The following CROCC2 variants were observed in gnomAD, a reference collection of about 807,000 sequenced individuals.
CROCC2 encodes the protein ciliary rootlet coiled-coil protein 2.
In CROCC2, 163 loss-of-function variants were observed where a neutral mutation model predicts 177.6. The observed-to-expected ratio is 0.92, with a 90% CI of 0.81 to 1.05. The LOEUF (loss-of-function observed/expected upper bound fraction) is 1.05, where lower values mean the gene tolerates loss of function less well. CROCC2 is among the 50% of genes least tolerant of loss of function. CROCC2 has a pLI of 0.00. For synonymous variants in CROCC2, 904 were observed against 787.3 expected, an observed-to-expected ratio of 1.15 and a Z score of -2.48; for missense variants, 1,929 against 1,797.8, an observed-to-expected ratio of 1.07 and a Z score of -1.32.
rs2059339053 is a variant in CROCC2 at position 240,918,999 on chromosome 2, CAA to C, written c.229+124_229+125del. 2 of 622,902 alleles carry C rather than the reference CAA, an allele frequency of 3.2e-6. No individual in the cohort carries two copies. The highest frequency in any genetic ancestry group is 4.0e-5 in the African/African-American group (2 of 50,154). The allele number at this position is 622,902 out of a possible 1,614,324, so 38.6% of individuals were successfully genotyped here. A position where few individuals can be genotyped will look rare whatever the true frequency, so the allele number is the denominator to read the frequency against. On this transcript the variant is annotated intron_variant, in intron 2 of 31. Coordinates refer to ENST00000690015, the MANE Select transcript of CROCC2 (RefSeq NM_001351305.2). This position sits in a 1 kb window ranked among gnomAD's most constrained non-coding sequence, Gnocchi z 6.3. The stretch of plus-strand genomic sequence containing the variant: ...GGACAGTCCTGGGCTCGCGGCTGGC[CAA>C]GGTGATGGCGTGGGGGACAGTCCTG...
intron 14 of CROCC2, among the ~76,000 whole-genome samples, chr2:240,940,218 C>T (rs779696291): frequency 1.3e-5 from 2 of 152,080 alleles, no homozygotes; most frequent in Middle Eastern, 3.2e-3. Flanking sequence ...TTAGTTTCTT[C>T]CACAGCCAAT....
chr2:240,909,220 G>C (rs1417055874), intron 1 of CROCC2, among the ~76,000 whole-genome samples: 14 of 131,562 alleles, frequency 1.1e-4, no homozygotes, highest in African/African-American at 3.6e-4. Context: ...CTCCACCTGG[G>C]GTGAGCTCTA....
chr2:240,930,702 T>C (rs2059423337), intron 6 of CROCC2, among the ~76,000 whole-genome samples: 1 of 151,980 alleles, frequency 6.6e-6, no homozygotes, highest in African/African-American at 2.4e-5. Context: ...GGTCGATGAC[T>C]CGGTGAAGGC....
chr2:240,934,169 G>A (rs907043615), intron 11 of CROCC2, among the ~76,000 whole-genome samples, 162 bp from the exon 12 acceptor site: 6 of 152,090 alleles, frequency 3.9e-5, no homozygotes, highest in Non-Finnish European at 8.8e-5. Context: ...ATGAAGCCTG[G>A]AAGCGAAGGG....
At position 240,917,532 on chromosome 2, in the gene CROCC2, G is replaced by A. The variant is rs1051369834; in HGVS notation, c.79-1194G>A. Among the ~76,000 whole-genome samples the A allele has an allele frequency of 1.3e-5, 2 of 152,130 alleles. No individual in the cohort carries two copies. The highest frequency in any genetic ancestry group is 4.8e-5 in the African/African-American group (2 of 41,432). On this transcript the variant is annotated intron_variant, in intron 1 of 31. Coordinates refer to ENST00000690015, the MANE Select transcript of CROCC2 (RefSeq NM_001351305.2). This position sits in a 1 kb window ranked among gnomAD's most constrained non-coding sequence, Gnocchi z 4.9. The stretch of plus-strand genomic sequence containing the variant: ...AGGAGGCAGCCAGGTGGTCACCCAC[G>A]TGGACCCTGGTCAGGAGGAAAATCC...
At chr2:240,921,501 A>G (rs2059356790) in intron 3 of CROCC2, among the ~76,000 whole-genome samples, 2 of 152,188 alleles carry the variant, frequency 1.3e-5, no homozygotes, top group South Asian at 4.1e-4. Context: ...GCCAGTGGGA[A>G]TAGAAGCCAC....
Position 240,949,023 on chromosome 2 carries a change from A to G in CROCC2, c.2408A>G (p.Gln803Arg). ...GAGAGCAGCCTCCTTGAGGCCCAACAGCTGGCCACAAAGCTGCAGGAGCAG... is the reference window on the plus strand; with the variant it reads ...GAGAGCAGCCTCCTTGAGGCCCAACGGCTGGCCACAAAGCTGCAGGAGCAG... ...SLESSLLEAQ[Q>R]LATKLQEQLE... Residue 803 changes from glutamine (Q) to arginine (R), a missense_variant, in exon 16 of 32, where the codon CAG (glutamine) becomes CGG (arginine). By Grantham distance (43) the Gln-to-Arg change is conservative. This residue lies in a region of CROCC2 where 1,397 missense variants were observed against 1,239.9 expected (regional missense o/e 1.13). Coordinates refer to ENST00000690015, the MANE Select transcript of CROCC2 (RefSeq NM_001351305.2). This position sits in a 1 kb window ranked among gnomAD's most constrained non-coding sequence, Gnocchi z 4.5. 1.3e-6 allele frequency: 2 copies of G among 1,550,072 alleles called. No homozygotes were observed. The highest frequency in any genetic ancestry group is 1.7e-6 in the Non-Finnish European group (2 of 1,146,892).
intron 14 of CROCC2, among the ~76,000 whole-genome samples, chr2:240,939,358 G>A (rs550887089): frequency 6.6e-4 from 100 of 152,046 alleles, no homozygotes; most frequent in South Asian, 1.9e-3. Flanking sequence ...CTACTTTGTC[G>A]TGAGTTAGTA....
chr2:240,921,041 C>T lies in CROCC2; in HGVS notation c.381+907C>T, dbSNP rs183703601. Among the ~76,000 whole-genome samples the T allele has an allele frequency of 2.6e-3, 402 of 152,318 alleles. 1 individual carries two copies. The highest frequency in any genetic ancestry group is 6.3e-3 in the Admixed American group (96 of 15,300). Reference sequence around the variant, plus strand: ...ATAAGGAGTAGAGGCTCAGAGCCAGCCAGTGATCACCCAGGCCACACCACC... The same window carrying T: ...ATAAGGAGTAGAGGCTCAGAGCCAGTCAGTGATCACCCAGGCCACACCACC... On this transcript the variant is annotated intron_variant, in intron 3 of 31. Transcript: ENST00000690015.
chr2:240,955,739 G>A (rs928570556), intron 18 of CROCC2, 120 bp from the exon 19 acceptor site: 96 of 646,174 alleles, frequency 1.5e-4, no homozygotes, highest in African/African-American at 1.1e-3. Context: ...GAACATGAAC[G>A]TGCTGTGTCC....
intron 11 of CROCC2, 40 bp downstream of exon 11, chr2:240,933,892 G>A: frequency 6.6e-7 from 1 of 1,524,006 alleles, no homozygotes; most frequent in African/African-American, 1.4e-5. Flanking sequence ...CCCTCCCACA[G>A]AAGAGACCCC....
rs2106471840 is a variant in CROCC2, at chr2:240,953,162, C to T, written c.2829+2652C>T. Among the ~76,000 whole-genome samples, 1 of 152,236 alleles carries T rather than the reference C, an allele frequency of 6.6e-6. No homozygotes were observed. The highest frequency in any genetic ancestry group is 1.9e-4 in the East Asian group (1 of 5,158). On this transcript the variant is annotated intron_variant, in intron 18 of 31. Transcript: ENST00000690015. The surrounding 1 kb of genome is among the most constrained non-coding windows in gnomAD (Gnocchi z 4.0). ...TGGTGGCTCATGCCTATGATCCCAG[C>T]ACTTTGGGAGGCCAAAGCCAGCAGA... is the stretch of plus-strand genomic sequence containing the variant.
At chr2:240,959,111 C>A in intron 19 of CROCC2, 190 bp from the exon 20 acceptor site, 1 of 621,184 alleles carries the variant, frequency 1.6e-6, no homozygotes, top group Non-Finnish European at 2.7e-6. Flanking sequence ...GATGTCTCCT[C>A]ATCCCAGCAG....
rs567927960 is a variant in CROCC2 at position 240,955,910 on chromosome 2, A to C, written c.2881A>C (p.Arg961=). 1 of 1,534,944 alleles carries C rather than the reference A, an allele frequency of 6.5e-7. No homozygotes were observed. The highest frequency in any genetic ancestry group is 1.2e-5 in the South Asian group (1 of 83,992). The change falls in exon 19 of 32, where the codon AGG becomes CGG. Residue 961 remains arginine, a synonymous_variant. Coordinates refer to ENST00000690015, the MANE Select transcript of CROCC2 (RefSeq NM_001351305.2). ...GAGCCTTCTGAGTGAGGAGCTCTCC[A>C]GGGCCAGGAGGACGCTAGAGCGGGT... ...ERSLLSEELS[R]ARRTLERVQQ...
intron 4 of CROCC2, 83 bp from the exon 5 acceptor site, chr2:240,925,641 A>C: frequency 3.2e-6 from 2 of 629,118 alleles, no homozygotes; most frequent in South Asian, 3.8e-5. Flanking sequence ...GGTTCCATTC[A>C]AGCCCCTTGA....
chr2:240,909,346 G>A (rs912670507), intron 1 of CROCC2, among the ~76,000 whole-genome samples: 1 of 151,724 alleles, frequency 6.6e-6, no homozygotes, highest in Non-Finnish European at 1.5e-5. Context: ...TCCACCTGGG[G>A]TGAGCTCTAC....
At chr2:240,986,797 TG>T (rs1224921629) in intron 28 of CROCC2, among the ~76,000 whole-genome samples, 2 of 152,206 alleles carry the variant, frequency 1.3e-5, no homozygotes, top group Non-Finnish European at 2.9e-5. Flanking sequence ...GCACCAGCTG[TG>T]GGCCCAGGGT....
chr2:240,922,471 A>G, intron 3 of CROCC2, 68 bp from the exon 4 acceptor site: 1 of 630,830 alleles, frequency 1.6e-6, no homozygotes, highest in Admixed American at 2.4e-5. Context: ...TTTGTGCCCA[A>G]GATGCCCCAG....
intron 6 of CROCC2, 29 bp downstream of exon 6, chr2:240,930,298 A>G: frequency 2.0e-6 from 1 of 493,446 alleles, no homozygotes; most frequent in African/African-American, 2.0e-5. Context: ...ACCTGGGGCC[A>G]GGCACCAGGC....
Sources: gnomAD v4.1 joint callset for allele counts (sites outside exome capture counted in the v4.1 genomes callset) on GRCh38, gnomAD v4.1.1 for gene constraint, gnomAD v4.1.1 regional missense constraint, Gnocchi (gnomAD v3.1) non-coding constraint, MANE v1.5 for transcripts, NCBI Gene and HGNC (gene_info 2026-07-23, HGNC 2026-07-21) for gene names.